ARHGAP42: variants seen among roughly 807,000 people sequenced by gnomAD.
The protein encoded by ARHGAP42 is Rho GTPase activating protein 42, also known as rho GTPase-activating protein 42.
In ARHGAP42, 63 loss-of-function variants were observed where a neutral mutation model predicts 125.0. The observed-to-expected ratio is 0.50, with a 90% CI of 0.41 to 0.62. ARHGAP42 has a LOEUF of 0.62. Ranked by LOEUF, ARHGAP42 falls within the 20% of genes least tolerant of loss-of-function variation. The pLI, the probability that ARHGAP42 is intolerant of heterozygous loss-of-function variation, is 0.00. For synonymous variants in ARHGAP42, 339 were observed against 351.0 expected, an observed-to-expected ratio of 0.97 and a Z score of 0.38; for missense variants, 766 against 1,024.2, an observed-to-expected ratio of 0.75 and a Z score of 3.44.
chr11:100,846,143 G>A (rs1865061133), intron 3 of ARHGAP42, among the ~76,000 whole-genome samples: 1 of 152,100 alleles, frequency 6.6e-6, no homozygotes, highest in South Asian at 2.1e-4. Flanking sequence ...AAGTTAATGA[G>A]GTAATTAACC....
At chr11:100,754,263 A>T (rs1217407580) in intron 1 of ARHGAP42, among the ~76,000 whole-genome samples, 1 of 152,244 alleles carries the variant, frequency 6.6e-6, no homozygotes, top group Non-Finnish European at 1.5e-5. Flanking sequence ...CATTGTAAAC[A>T]TGAACACTGC....
intron 4 of ARHGAP42, among the ~76,000 whole-genome samples, chr11:100,885,965 G>A (rs1380604115): frequency 6.6e-6 from 1 of 152,158 alleles, no homozygotes; most frequent in Non-Finnish European, 1.5e-5. Flanking sequence ...AGCAATTCTT[G>A]ATGAGGTAGG....
chr11:100,951,933 T>C (rs509013), intron 12 of ARHGAP42, among the ~76,000 whole-genome samples: 134,234 of 152,172 alleles, frequency 0.88, 59,300 homozygotes, highest in East Asian at 1. Flanking sequence ...TACAGGCCTT[T>C]CCTGAGACAT....
chr11:100,838,268 A>C (rs965502688), intron 3 of ARHGAP42, among the ~76,000 whole-genome samples: 1 of 152,120 alleles, frequency 6.6e-6, no homozygotes, highest in Non-Finnish European at 1.5e-5. Context: ...TCACTTGATT[A>C]AAGCGGTGTC....
chr11:100,791,055 G>A (rs907063487), intron 2 of ARHGAP42, among the ~76,000 whole-genome samples: 5 of 152,194 alleles, frequency 3.3e-5, no homozygotes, highest in African/African-American at 1.2e-4. Context: ...AAAGCACAGT[G>A]ATGGGTGCTG....
intron 4 of ARHGAP42, among the ~76,000 whole-genome samples, chr11:100,868,550 G>A: frequency 6.6e-6 from 1 of 152,186 alleles, no homozygotes. Context: ...CTAGTAAGGA[G>A]TAGAGTCAGA....
intron 2 of ARHGAP42, among the ~76,000 whole-genome samples, chr11:100,780,773 A>G (rs1390367358): frequency 6.6e-6 from 1 of 152,248 alleles, no homozygotes; most frequent in Non-Finnish European, 1.5e-5. Context: ...AATGGGTGGC[A>G]TAAGTAGTTT....
chr11:100,912,472 C>G (rs1866949671), intron 4 of ARHGAP42, among the ~76,000 whole-genome samples: 1 of 152,062 alleles, frequency 6.6e-6, no homozygotes, highest in Non-Finnish European at 1.5e-5. Flanking sequence ...TTATAAACAC[C>G]TAGTTCAGGT....
intron 5 of ARHGAP42, among the ~76,000 whole-genome samples, chr11:100,920,306 A>G (rs376827453): frequency 2.0e-5 from 3 of 152,340 alleles, no homozygotes; most frequent in Admixed American, 1.3e-4. Context: ...TTCTTGAACA[A>G]CATGGGGGTT....
At chr11:100,783,164 G>T (rs926094154) in intron 2 of ARHGAP42, among the ~76,000 whole-genome samples, 3 of 152,208 alleles carry the variant, frequency 2.0e-5, no homozygotes. Flanking sequence ...GGCTGGTCAT[G>T]GTGGCTCACG....
At chr11:100,974,634 T>C (rs1039978470) in intron 19 of ARHGAP42, 31 bp downstream of exon 19, 1 of 1,527,076 alleles carries the variant, frequency 6.5e-7, no homozygotes, top group Non-Finnish European at 8.8e-7. Flanking sequence ...GGAGATGCTT[T>C]CTTCATTCTT....
chr11:100,886,028 T>C (rs1866084902), intron 4 of ARHGAP42, among the ~76,000 whole-genome samples: 1 of 152,246 alleles, frequency 6.6e-6, no homozygotes, highest in African/African-American at 2.4e-5. Context: ...CAATGGGTGC[T>C]ATCTCTTGGA....
chr11:100,773,955 C>T (rs985785661), intron 2 of ARHGAP42, among the ~76,000 whole-genome samples: 33 of 152,104 alleles, frequency 2.2e-4, no homozygotes, highest in African/African-American at 7.7e-4. Flanking sequence ...CCTTTGCACT[C>T]GGAATCTGAT....
chr11:100,922,653 A>G (rs1383300785), intron 6 of ARHGAP42, among the ~76,000 whole-genome samples: 3 of 152,256 alleles, frequency 2.0e-5, no homozygotes, highest in Non-Finnish European at 4.4e-5. Flanking sequence ...GGATATGATA[A>G]GGAGAGGGAA....
intron 4 of ARHGAP42, among the ~76,000 whole-genome samples, chr11:100,871,311 A>G (rs1865688874): frequency 6.6e-6 from 1 of 151,938 alleles, no homozygotes; most frequent in Admixed American, 6.6e-5. Flanking sequence ...TTTGGGAGGC[A>G]CAGGCGGGTG....
At chr11:100,805,170 G>A (rs1863959948) in intron 3 of ARHGAP42, among the ~76,000 whole-genome samples, 3 of 152,180 alleles carry the variant, frequency 2.0e-5, no homozygotes. Context: ...TTTCAAAGAA[G>A]AGGAAACTCA....
rs534050469 is a variant in ARHGAP42 at position 100,720,955 on chromosome 11, G to GT, written c.154+33134dup. Among the ~76,000 whole-genome samples, 787 of 146,796 alleles carry GT rather than the reference G, an allele frequency of 5.4e-3. 4 individuals carry two copies. Among genetic ancestry groups the GT allele is most frequent in the African/African-American group, 0.01 (415 of 40,340 alleles). ...CTATAGTTATACAGAATTTTTTTAAGTTTTTTTTTTTAACTGAGCAGATAA... is the reference window on the plus strand; with the variant it reads ...CTATAGTTATACAGAATTTTTTTAAGTTTTTTTTTTTTAACTGAGCAGATAA... On this transcript the variant is annotated intron_variant, in intron 1 of 23. Transcript: ENST00000298815.
chr11:100,918,380 TA>T (rs796754511), intron 5 of ARHGAP42, among the ~76,000 whole-genome samples: 36 of 152,360 alleles, frequency 2.4e-4, no homozygotes, highest in African/African-American at 8.2e-4. Context: ...AGCATTACAA[TA>T]AGCTATCTGC....
intron 16 of ARHGAP42, among the ~76,000 whole-genome samples, chr11:100,963,107 C>T (rs1002179668): frequency 6.6e-6 from 1 of 152,140 alleles, no homozygotes; most frequent in Non-Finnish European, 1.5e-5. Context: ...ACTCTAAATA[C>T]GTACAGACGA....
Sources: gnomAD v4.1 joint callset for allele counts (sites outside exome capture counted in the v4.1 genomes callset) on GRCh38, gnomAD v4.1.1 for gene constraint, MANE v1.5 for transcripts, NCBI Gene and HGNC (gene_info 2026-07-23, HGNC 2026-07-21) for gene names.